Variants in ZNF462 observed in about 807,000 individuals in gnomAD.
ZNF462 encodes zinc finger PBX1-interacting protein.
A neutral mutation model predicts 201.9 loss-of-function variants in ZNF462; 10 were observed. That is an observed-to-expected ratio of 0.05 (90% CI 0.03 to 0.08). The LOEUF is 0.08. Among genes scored for constraint, ZNF462 ranks in the 10% least tolerant of loss-of-function variants. The pLI is 1.00. For synonymous variants in ZNF462, 1,227 were observed against 1,193.3 expected (o/e 1.03, Z -0.58); for missense variants, 2,523 against 3,168.3 (o/e 0.80, Z 4.89).
rs1207541046 is a variant in ZNF462 at position 106,902,095 on chromosome 9, G to A, written c.-30-21259G>A. 1.3e-5 allele frequency among the ~76,000 whole-genome samples: 2 copies of A among 151,866 alleles called. No homozygotes were observed. The highest frequency in any genetic ancestry group is 1.9e-4 in the East Asian group (1 of 5,186). On this transcript the variant is annotated intron_variant, in intron 1 of 12. Coordinates refer to ENST00000277225, the MANE Select transcript of ZNF462 (RefSeq NM_021224.6). The surrounding 1 kb of genome is among the most constrained non-coding windows in gnomAD (Gnocchi z 4.2). ...TTTATTACATTAAGGTATGTCTCTC[G>A]TATGCTGATTTTGCCAAGCGTTTTA...
At chr9:106,998,310 C>G (rs1828896384) in intron 10 of ZNF462, among the ~76,000 whole-genome samples, 1 of 152,158 alleles carries the variant, frequency 6.6e-6, no homozygotes. Context: ...GACAAGGGTT[C>G]CAGTTCCATT....
chr9:106,863,295 G>A lies in ZNF462; in HGVS notation c.-91G>A, dbSNP rs1217937218. 7 of 398,804 alleles carry A rather than the reference G, an allele frequency of 1.8e-5. No homozygotes were observed. Among genetic ancestry groups the A allele is most frequent in the Non-Finnish European group, 3.1e-5 (7 of 226,158 alleles). 24.7% of individuals were successfully genotyped at this position (398,804 alleles called of 1,614,324 possible). ...GCAGGAAGAGGAGAAAGAGAAAGAG[G>A]ATAAGGAGGCGGTGGGGCTGGAGAA... On this transcript the variant is annotated 5_prime_UTR_variant, in exon 1 of 13. Coordinates refer to ENST00000277225, the MANE Select transcript of ZNF462 (RefSeq NM_021224.6).
At chr9:106,971,976 C>T (rs761736020) in intron 7 of ZNF462, 29 bp from the exon 8 acceptor site, 37 of 1,596,630 alleles carry the variant, frequency 2.3e-5, no homozygotes, top group Non-Finnish European at 2.9e-5. Flanking sequence ...TTCTCTGTGC[C>T]CCGTGTCATT....
intron 1 of ZNF462, among the ~76,000 whole-genome samples, chr9:106,882,106 A>C (rs1311951650): frequency 1.3e-5 from 2 of 152,142 alleles, no homozygotes; most frequent in African/African-American, 4.8e-5. Flanking sequence ...AGCCTTATTG[A>C]CTGGTTTCAG....
chr9:106,900,509 G>A (rs1181839698), intron 1 of ZNF462, among the ~76,000 whole-genome samples: 1 of 152,168 alleles, frequency 6.6e-6, no homozygotes, highest in African/African-American at 2.4e-5. Flanking sequence ...CCCACCAGCA[G>A]TGTAGAAGTG....
At chr9:106,939,715 C>T (rs1237471116) in intron 7 of ZNF462, among the ~76,000 whole-genome samples, 3 of 152,076 alleles carry the variant, frequency 2.0e-5, no homozygotes, top group Admixed American at 6.5e-5. Context: ...AGGGTCTCCT[C>T]GCTAGCAATG....
In ZNF462 at chr9:106,895,335, C is replaced by T. The variant is rs1437978359; in HGVS notation, c.-30-28019C>T. Among the ~76,000 whole-genome samples the T allele has an allele frequency of 1.3e-5, 2 of 152,110 alleles. No individual in the cohort carries two copies. The highest frequency in any genetic ancestry group is 2.4e-5 in the African/African-American group (1 of 41,420). ...AGTGCACCAAGCATTAGCTTCTGCCCGTGCTCCCTTCTAAATATCATGTAG... is the reference window on the plus strand; with the variant it reads ...AGTGCACCAAGCATTAGCTTCTGCCTGTGCTCCCTTCTAAATATCATGTAG... On this transcript the variant is annotated intron_variant, in intron 1 of 12. Coordinates refer to ENST00000277225, the MANE Select transcript of ZNF462 (RefSeq NM_021224.6). This position sits in a 1 kb window ranked among gnomAD's most constrained non-coding sequence, Gnocchi z 4.4.
In ZNF462 at chr9:106,923,675, GGT is replaced by G; in HGVS notation, c.220+73_220+74del. The G allele has an allele frequency of 6.6e-7, 1 of 1,514,964 alleles. No individual in the cohort carries two copies. The highest frequency in any genetic ancestry group is 1.2e-5 in the South Asian group (1 of 86,216). The allele number at this position is 1,514,964 out of a possible 1,614,324, so 93.8% of individuals were successfully genotyped here. On this transcript the variant is annotated intron_variant, in intron 2 of 12. Transcript: ENST00000277225. This position sits in a 1 kb window ranked among gnomAD's most constrained non-coding sequence, Gnocchi z 5.6. ...TTGTTTCCTTTTAGCCTGTAGCCATGGTTCTTAATATACGTGGCTTTTGCAGA... is the reference window on the plus strand; with the variant it reads ...TTGTTTCCTTTTAGCCTGTAGCCATGTCTTAATATACGTGGCTTTTGCAGA...
At position 106,876,102 on chromosome 9, in the gene ZNF462, A is replaced by G. The variant is rs1284189286; in HGVS notation, c.-31+12747A>G. Among the ~76,000 whole-genome samples the G allele has an allele frequency of 6.6e-6, 1 of 152,156 alleles. No individual in the cohort carries two copies. Among genetic ancestry groups the G allele is most frequent in the Non-Finnish European group, 1.5e-5 (1 of 68,022 alleles). On this transcript the variant is annotated intron_variant, in intron 1 of 12. Coordinates refer to ENST00000277225, the MANE Select transcript of ZNF462 (RefSeq NM_021224.6). This position sits in a 1 kb window ranked among gnomAD's most constrained non-coding sequence, Gnocchi z 4.9. ...AAGAAAGTGATGTGTAGTAGGTGGA[A>G]TATACTCTTTGGGGCCACACAAGCT...
At chr9:106,899,964 A>G (rs1828985873) in intron 1 of ZNF462, among the ~76,000 whole-genome samples, 1 of 151,928 alleles carries the variant, frequency 6.6e-6, no homozygotes, top group Non-Finnish European at 1.5e-5. Flanking sequence ...ACACTGCACC[A>G]TATTTGTAGT....
chr9:106,906,726 T>C (rs2131247439), intron 1 of ZNF462, among the ~76,000 whole-genome samples: 1 of 152,368 alleles, frequency 6.6e-6, no homozygotes, highest in South Asian at 2.1e-4. Flanking sequence ...CATTTGATGA[T>C]TATTTTTAAA....
intron 7 of ZNF462, among the ~76,000 whole-genome samples, chr9:106,959,277 C>T (rs1487551940): frequency 6.6e-6 from 1 of 152,084 alleles, no homozygotes; most frequent in Non-Finnish European, 1.5e-5. Context: ...AGCCTCCAAG[C>T]AGCTACTATG....
rs973686759 is a variant in ZNF462 at position 106,926,156 on chromosome 9, C to G, written c.2244C>G (p.Ile748Met). The G allele has an allele frequency of 6.2e-7, 1 of 1,614,208 alleles. No individual in the cohort carries two copies. The highest frequency in any genetic ancestry group is 8.5e-7 in the Non-Finnish European group (1 of 1,180,038). The part of the protein sequence containing the change: ...LDREEEPTEP[I>M]IEVPTSFSAQ... ...GGGAGGAAGAACCGACAGAACCCAT[C>G]ATAGAGGTTCCCACTTCCTTTTCTG... The change falls in exon 3 of 13, where the codon ATC becomes ATG. Residue 748 changes from isoleucine (I) to methionine (M), a missense_variant. Around this residue, in one of 15 missense-constraint regions of ZNF462, gnomAD observed 383 missense variants for 453.4 expected, o/e 0.84. Transcript: ENST00000277225. The surrounding 1 kb of genome is among the most constrained non-coding windows in gnomAD (Gnocchi z 7.9).
rs756115437 is a variant in ZNF462, at chr9:106,924,980, A to G, written c.1068A>G (p.Leu356=). 4 of 1,614,228 alleles carry G rather than the reference A, an allele frequency of 2.5e-6. No homozygotes were observed. The highest frequency in any genetic ancestry group is 1.7e-5 in the Admixed American group (1 of 60,030). ...CGAAGTCACCTCACAATTCTGGTCTAGTTAACTTGACAGAGAGATCCCGTT... is the reference window on the plus strand; with the variant it reads ...CGAAGTCACCTCACAATTCTGGTCTGGTTAACTTGACAGAGAGATCCCGTT... ...MKPKSPHNSG[L]VNLTERSRYG... Residue 356 remains leucine, a synonymous_variant, in exon 3 of 13, where the codon CTA becomes CTG. Transcript: ENST00000277225. This position sits in a 1 kb window ranked among gnomAD's most constrained non-coding sequence, Gnocchi z 6.2.
chr9:106,897,167 T>C (rs1828848070), intron 1 of ZNF462, among the ~76,000 whole-genome samples: 1 of 152,242 alleles, frequency 6.6e-6, no homozygotes, highest in Admixed American at 6.5e-5. Flanking sequence ...CAGAGAAAAC[T>C]TCACCAGTAA....
chr9:106,938,845 GTTTCCACCCT>G lies in ZNF462; in HGVS notation c.6236-70_6236-61del. ...TAGCATGAGTTAACTGAGTTATCTT[GTTTCCACCCT>G]GGCCTTATACCCTTCTCCCCTCTTT... On this transcript the variant is annotated intron_variant, in intron 6 of 12. Transcript: ENST00000277225. The surrounding 1 kb of genome is among the most constrained non-coding windows in gnomAD (Gnocchi z 4.4). 3.4e-6 allele frequency: 5 copies of G among 1,460,314 alleles called. No homozygotes were observed. Among genetic ancestry groups the G allele is most frequent in the Non-Finnish European group, 4.6e-6 (5 of 1,086,190 alleles). 90.5% of individuals were successfully genotyped at this position (1,460,314 alleles called of 1,614,324 possible).
Position 107,006,952 on chromosome 9 carries a change from T to G in ZNF462, c.7190-2593T>G, listed in dbSNP as rs1217000587. Among the ~76,000 whole-genome samples the G allele has an allele frequency of 6.6e-6, 1 of 152,190 alleles. No homozygotes were observed. Among genetic ancestry groups the G allele is most frequent in the Admixed American group, 6.5e-5 (1 of 15,276 alleles). ...ACGGTTGTGATCGGAGAAGCATGGC[T>G]TCTTTCTTTTTTCTTTTTCAAACCA... On this transcript the variant is annotated intron_variant, in intron 11 of 12. Transcript: ENST00000277225. This position sits in a 1 kb window ranked among gnomAD's most constrained non-coding sequence, Gnocchi z 4.3.
At chr9:106,864,228 G>T (rs1827225830) in intron 1 of ZNF462, among the ~76,000 whole-genome samples, 1 of 151,938 alleles carries the variant, frequency 6.6e-6, no homozygotes, top group Admixed American at 6.6e-5. Flanking sequence ...CGGCCGGGTG[G>T]GGGGCGCAGG....
Position 106,925,070 on chromosome 9 carries a change from T to C in ZNF462, c.1158T>C (p.Ser386=). ...DLETNSMLND[S]SSDEELNEID... ...AAACTAACAGCATGCTAAATGACTC[T>C]AGTTCTGATGAAGAGTTAAATGAAA... The change falls in exon 3 of 13, where the codon TCT becomes TCC. Residue 386 remains serine (S), a synonymous_variant. Coordinates refer to ENST00000277225, the MANE Select transcript of ZNF462 (RefSeq NM_021224.6). The surrounding 1 kb of genome is among the most constrained non-coding windows in gnomAD (Gnocchi z 7.9). 1 of 1,614,202 alleles carries C rather than the reference T, an allele frequency of 6.2e-7. No individual in the cohort carries two copies. The highest frequency in any genetic ancestry group is 1.1e-5 in the South Asian group (1 of 91,082).
Sources: gnomAD v4.1 joint callset for allele counts (sites outside exome capture counted in the v4.1 genomes callset) on GRCh38, gnomAD v4.1.1 for gene constraint, gnomAD v4.1.1 regional missense constraint, Gnocchi (gnomAD v3.1) non-coding constraint, MANE v1.5 for transcripts, NCBI Gene and HGNC (gene_info 2026-07-23, HGNC 2026-07-21) for gene names.